The following OSBPL11 variants were observed in gnomAD, a reference collection of about 807,000 sequenced individuals.
OSBPL11 encodes oxysterol-binding protein-related protein 11.
In OSBPL11, 33 loss-of-function variants were observed where a neutral mutation model predicts 84.4. The ratio of observed to expected loss-of-function variants is 0.39; its 90% confidence interval spans 0.30 to 0.52. OSBPL11 has a LOEUF of 0.52. OSBPL11 is among the 20% of genes least tolerant of loss of function. The pLI, the probability that OSBPL11 is intolerant of heterozygous loss-of-function variation, is 0.72. For missense variants in OSBPL11, 736 were observed against 901.1 expected (o/e 0.82, Z 2.35); for synonymous variants, 276 against 310.2 (o/e 0.89, Z 1.16).
Position 125,530,409 on chromosome 3 carries a change from G to T in OSBPL11, c.*106C>A. Reference sequence around the variant, plus strand: ...GTACATTCAGGTTTAGCTAGTTTCAGTCTGCGCAATCAGGAAGCAGGTCAC... The same window carrying T: ...GTACATTCAGGTTTAGCTAGTTTCATTCTGCGCAATCAGGAAGCAGGTCAC... On this transcript the variant is annotated 3_prime_UTR_variant, in exon 13 of 13. Transcript: ENST00000296220. The T allele has an allele frequency of 9.8e-7, 1 of 1,023,734 alleles. No homozygotes were observed. Among genetic ancestry groups the T allele is most frequent in the Non-Finnish European group, 1.5e-6 (1 of 655,928 alleles). The allele number at this position is 1,023,734 out of a possible 1,614,324, so 63.4% of individuals were successfully genotyped here.
At chr3:125,547,328 G>A in intron 10 of OSBPL11, 78 bp downstream of exon 10, 1 of 1,224,686 alleles carries the variant, frequency 8.2e-7, no homozygotes, top group South Asian at 1.4e-5. Flanking sequence ...ATAGAACAGA[G>A]CAGAAAAAGA....
rs912401904 is a variant in OSBPL11, at chr3:125,543,553, T to C, written c.1841+3853A>G. On this transcript the variant is annotated intron_variant, in intron 10 of 12. Transcript: ENST00000296220. Reference sequence around the variant, plus strand: ...GCTGTGATCAAAAGCTCTAGTTTCATTGGAATATGTCAATTTGATATATCC... The same window carrying C: ...GCTGTGATCAAAAGCTCTAGTTTCACTGGAATATGTCAATTTGATATATCC... Among the ~76,000 whole-genome samples the C allele has an allele frequency of 7.2e-5, 11 of 152,218 alleles. No homozygotes were observed. In the South Asian group the frequency reaches 2.1e-3, roughly 29 times the overall value.
intron 7 of OSBPL11, 24 bp downstream of exon 7, chr3:125,563,674 A>G (rs1479697427): frequency 6.2e-7 from 1 of 1,609,960 alleles, no homozygotes; most frequent in Non-Finnish European, 8.5e-7. Flanking sequence ...TTCACATCAA[A>G]ATCATATTTT....
At chr3:125,535,663 T>A (rs1580031065) in intron 11 of OSBPL11, among the ~76,000 whole-genome samples, 1 of 151,050 alleles carries the variant, frequency 6.6e-6, no homozygotes, top group Admixed American at 6.6e-5. Flanking sequence ...TTAGTAGAGA[T>A]GGGGTTTCAC....
chr3:125,580,646 C>G (rs1171218836), intron 2 of OSBPL11, among the ~76,000 whole-genome samples: 1 of 151,890 alleles, frequency 6.6e-6, no homozygotes, highest in Non-Finnish European at 1.5e-5. Flanking sequence ...GATACCATAT[C>G]CTTTCAGAGA....
chr3:125,582,382 T>A (rs1936442224), intron 2 of OSBPL11, among the ~76,000 whole-genome samples: 1 of 152,138 alleles, frequency 6.6e-6, no homozygotes, highest in South Asian at 2.1e-4. Flanking sequence ...TCTGGCATTC[T>A]ACGTTAGCCT....
intron 8 of OSBPL11, among the ~76,000 whole-genome samples, chr3:125,558,848 T>C (rs1936031676): frequency 6.6e-6 from 1 of 152,232 alleles, no homozygotes; most frequent in Admixed American, 6.5e-5. Context: ...AGGGATCTTA[T>C]TAAAATGCAG....
chr3:125,550,209 T>C (rs529475754), intron 9 of OSBPL11, among the ~76,000 whole-genome samples: 102 of 151,856 alleles, frequency 6.7e-4, no homozygotes, highest in Non-Finnish European at 1.4e-3. Flanking sequence ...ATCTCATCTT[T>C]ACAAAAAATA....
chr3:125,555,205 C>T (rs1388996747), intron 8 of OSBPL11, among the ~76,000 whole-genome samples: 2 of 152,250 alleles, frequency 1.3e-5, no homozygotes, highest in Admixed American at 1.3e-4. Context: ...CATCGGACTC[C>T]AAGTTCTTCG....
chr3:125,564,427 G>T (rs926484676), intron 6 of OSBPL11, among the ~76,000 whole-genome samples: 2 of 152,144 alleles, frequency 1.3e-5, no homozygotes, highest in Admixed American at 6.5e-5. Flanking sequence ...ACCCAGTGAA[G>T]ACAGTGGTCA....
At chr3:125,559,203 C>A (rs1253787001) in intron 8 of OSBPL11, among the ~76,000 whole-genome samples, 1 of 152,178 alleles carries the variant, frequency 6.6e-6, no homozygotes, top group Non-Finnish European at 1.5e-5. Flanking sequence ...ATAGATAATA[C>A]CCCAAATGTA....
At chr3:125,592,029 C>T (rs975548119) in intron 1 of OSBPL11, among the ~76,000 whole-genome samples, 1 of 150,866 alleles carries the variant, frequency 6.6e-6, no homozygotes, top group Middle Eastern at 3.4e-3. Flanking sequence ...TGTAAAACTA[C>T]CAAATTATTT....
chr3:125,572,906 A>G (rs1936263486), intron 5 of OSBPL11, among the ~76,000 whole-genome samples: 1 of 141,564 alleles, frequency 7.1e-6, no homozygotes, highest in Non-Finnish European at 1.5e-5. Flanking sequence ...TACATATTAT[A>G]AAGTGTGTGT....
chr3:125,590,401 T>G (rs1936578672), intron 1 of OSBPL11, among the ~76,000 whole-genome samples: 1 of 151,942 alleles, frequency 6.6e-6, no homozygotes, highest in African/African-American at 2.4e-5. Context: ...AATACAAAAA[T>G]CAGCCGGGTG....
chr3:125,549,949 G>A (rs1935875354), intron 9 of OSBPL11, among the ~76,000 whole-genome samples: 1 of 152,044 alleles, frequency 6.6e-6, no homozygotes. Flanking sequence ...CCTTAGACAT[G>A]TCTCATCATC....
At chr3:125,541,087 T>C (rs907567429) in intron 10 of OSBPL11, among the ~76,000 whole-genome samples, 1 of 152,234 alleles carries the variant, frequency 6.6e-6, no homozygotes, top group Non-Finnish European at 1.5e-5. Context: ...AGTACATGAA[T>C]GGGCATGGCT....
At chr3:125,564,794 A>G (rs538443710) in intron 6 of OSBPL11, among the ~76,000 whole-genome samples, 11 of 151,880 alleles carry the variant, frequency 7.2e-5, no homozygotes, top group African/African-American at 2.7e-4. Context: ...AGCTGGGACT[A>G]CAGGTGCTCA....
intron 8 of OSBPL11, among the ~76,000 whole-genome samples, chr3:125,557,142 G>C (rs1003990701): frequency 1.3e-5 from 2 of 152,120 alleles, no homozygotes; most frequent in East Asian, 3.8e-4. Flanking sequence ...CTAAAATTTT[G>C]TGTTTATATA....
At chr3:125,539,648 C>A (rs964928858) in intron 10 of OSBPL11, among the ~76,000 whole-genome samples, 1 of 151,940 alleles carries the variant, frequency 6.6e-6, no homozygotes, top group Admixed American at 6.6e-5. Flanking sequence ...TGGGGTTTTG[C>A]CATGTTGGCC....
Sources: gnomAD v4.1 joint callset for allele counts (sites outside exome capture counted in the v4.1 genomes callset) on GRCh38, gnomAD v4.1.1 for gene constraint, MANE v1.5 for transcripts, NCBI Gene and HGNC (gene_info 2026-07-23, HGNC 2026-07-21) for gene names.